The following SPEN variants were observed in gnomAD, a reference collection of about 807,000 sequenced individuals.
SPEN encodes the protein spen family transcriptional repressor, also known as msx2-interacting protein.
In SPEN, 18 loss-of-function variants were observed where a neutral mutation model predicts 269.9. The observed-to-expected ratio is 0.07, with a 90% CI of 0.05 to 0.10. SPEN has a LOEUF of 0.10. Among genes scored for constraint, SPEN ranks in the 10% least tolerant of loss-of-function variants. The pLI is 1.00. For synonymous variants in SPEN, 1,726 were observed against 1,765.7 expected (o/e 0.98, Z 0.56); for missense variants, 3,822 against 4,631.2 (o/e 0.83, Z 5.07).
intron 3 of SPEN, among the ~76,000 whole-genome samples, chr1:15,908,154 C>T (rs890757797): frequency 1.3e-5 from 2 of 151,728 alleles, no homozygotes; most frequent in Non-Finnish European, 2.9e-5. Context: ...CTAAAAATTA[C>T]CCATGAGGTA....
chr1:15,893,328 G>A (rs1279533990), intron 3 of SPEN, among the ~76,000 whole-genome samples: 3 of 152,062 alleles, frequency 2.0e-5, no homozygotes, highest in Non-Finnish European at 4.4e-5. Flanking sequence ...TGTTATTTTC[G>A]ATGGTGGTAG....
At position 15,939,720 on chromosome 1, in the gene SPEN, C is replaced by T. The variant is rs1056526886; in HGVS notation, c.*293C>T. On this transcript the variant is annotated 3_prime_UTR_variant, in exon 15 of 15. Coordinates refer to ENST00000375759, the MANE Select transcript of SPEN (RefSeq NM_015001.3). The surrounding 1 kb of genome is among the most constrained non-coding windows in gnomAD (Gnocchi z 4.1). ...CTCTTTTTGGAGAAAAGGAACAGGG[C>T]AGTGGAATGAAAATTTTTTGTTTGT... The T allele has an allele frequency of 8.6e-5, 26 of 303,702 alleles. No homozygotes were observed. In the Admixed American group the frequency reaches 1.2e-3, roughly 14 times the overall value. 18.8% of individuals were successfully genotyped at this position (303,702 alleles called of 1,614,324 possible). A position where few individuals can be genotyped will look rare whatever the true frequency, so the allele number is the denominator to read the frequency against.
chr1:15,930,551 T>G lies in SPEN; in HGVS notation c.4311T>G (p.Asp1437Glu), dbSNP rs1242665191. Residue 1437 changes from aspartate (D) to glutamate (E), a missense_variant, in exon 11 of 15, where the codon GAT becomes GAG. By Grantham distance (45) the Asp-to-Glu change is conservative. Around this residue, in one of 16 missense-constraint regions of SPEN, gnomAD observed 267 missense variants for 315.5 expected, o/e 0.85. Transcript: ENST00000375759. The surrounding 1 kb of genome is among the most constrained non-coding windows in gnomAD (Gnocchi z 5.3). Reference protein sequence around the residue: ...ERNKFYSFALDKTITPDTKAL... With the variant: ...ERNKFYSFALEKTITPDTKAL... ...ACAAATTTTACTCTTTTGCATTGGA[T>G]AAGACAATCACACCAGACACTAAAG... The G allele has an allele frequency of 2.5e-6, 4 of 1,614,110 alleles. No homozygotes were observed. The highest frequency in any genetic ancestry group is 3.4e-6 in the Non-Finnish European group (4 of 1,179,978).
intron 1 of SPEN, among the ~76,000 whole-genome samples, chr1:15,867,358 C>T (rs2070524765): frequency 6.6e-6 from 1 of 152,058 alleles, no homozygotes. Context: ...GGCATGCCCT[C>T]CCCCCTTTTA....
chr1:15,888,273 T>G (rs962412943), intron 3 of SPEN, among the ~76,000 whole-genome samples: 2 of 151,466 alleles, frequency 1.3e-5, no homozygotes, highest in Admixed American at 6.6e-5. Flanking sequence ...CCATGTCAAA[T>G]TGTATTTGTT....
Position 15,847,784 on chromosome 1 carries a change from G to C in SPEN, c.-284G>C. 5.3e-6 allele frequency: 1 copy of C among 187,614 alleles called. No individual in the cohort carries two copies. The highest frequency in any genetic ancestry group is 1.1e-4 in the East Asian group (1 of 9,440). 11.6% of individuals were successfully genotyped at this position (187,614 alleles called of 1,614,324 possible). A position where few individuals can be genotyped will look rare whatever the true frequency, so the allele number is the denominator to read the frequency against. ...CCGTGTCCCGCTCGCCCCTCCTCCCGCTCCCCCGCCCGCCCCTGCCCGGGC... is the reference window on the plus strand; with the variant it reads ...CCGTGTCCCGCTCGCCCCTCCTCCCCCTCCCCCGCCCGCCCCTGCCCGGGC... On this transcript the variant is annotated 5_prime_UTR_variant, in exon 1 of 15. Transcript: ENST00000375759.
rs1450668315 is a variant in SPEN, at chr1:15,902,534, A to G, written c.882-6787A>G. Among the ~76,000 whole-genome samples the G allele has an allele frequency of 3.9e-5, 6 of 152,306 alleles. No individual in the cohort carries two copies. In the East Asian group the frequency reaches 7.7e-4, roughly 20 times the overall value. On this transcript the variant is annotated intron_variant, in intron 3 of 14. Transcript: ENST00000375759. ...CATTCTGTTTAAGAGATTATGGGCCAGGAATGGTGGCTCACGCCTATAATC... is the reference window on the plus strand; with the variant it reads ...CATTCTGTTTAAGAGATTATGGGCCGGGAATGGTGGCTCACGCCTATAATC...
In SPEN at chr1:15,848,292, C is replaced by T; in HGVS notation, c.83+142C>T. On this transcript the variant is annotated intron_variant, in intron 1 of 14. Coordinates refer to ENST00000375759, the MANE Select transcript of SPEN (RefSeq NM_015001.3). The surrounding 1 kb of genome is among the most constrained non-coding windows in gnomAD (Gnocchi z 5.1). ...ACGGGCGCTGTGGGACCTCGTCAGC[C>T]GCTCGGCCCGCGTCGCGGCGTTGGG... 2.3e-6 allele frequency: 1 copy of T among 440,382 alleles called. No homozygotes were observed. The highest frequency in any genetic ancestry group is 3.7e-6 in the Non-Finnish European group (1 of 268,516). 27.3% of individuals were successfully genotyped at this position (440,382 alleles called of 1,614,324 possible).
chr1:15,913,861 G>C (rs2071033344), intron 5 of SPEN, among the ~76,000 whole-genome samples: 1 of 151,956 alleles, frequency 6.6e-6, no homozygotes, highest in Non-Finnish European at 1.5e-5. Flanking sequence ...TGTCTCCAAG[G>C]GGGAGAAAAA....
intron 3 of SPEN, among the ~76,000 whole-genome samples, chr1:15,887,591 G>A (rs897367097): frequency 6.6e-6 from 1 of 151,538 alleles, no homozygotes; most frequent in Non-Finnish European, 1.5e-5. Context: ...CACTGTGCCT[G>A]GCCGAAAAAA....
At position 15,876,391 on chromosome 1, in the gene SPEN, C is replaced by A. The variant is rs774864778; in HGVS notation, c.594C>A (p.Asp198Glu). 16 of 1,613,960 alleles carry A rather than the reference C, an allele frequency of 9.9e-6. No homozygotes were observed. The highest frequency in any genetic ancestry group is 2.2e-5 in the East Asian group (1 of 44,892). Residue 198 changes from aspartate (D) to glutamate (E), a missense_variant, in exon 3 of 15, where the codon GAC becomes GAA. By Grantham distance (45) the Asp-to-Glu change is conservative. Coordinates refer to ENST00000375759, the MANE Select transcript of SPEN (RefSeq NM_015001.3). ...GTCCAAATCGCTTTGATGCTCATGACCCCCGATATGAACCTAGGGCTCGCG... is the reference window on the plus strand; with the variant it reads ...GTCCAAATCGCTTTGATGCTCATGAACCCCGATATGAACCTAGGGCTCGCG... ...SRSPNRFDAH[D>E]PRYEPRAREQ...
intron 1 of SPEN, among the ~76,000 whole-genome samples, chr1:15,855,862 C>T (rs563551755): frequency 2.9e-5 from 4 of 139,988 alleles, no homozygotes; most frequent in South Asian, 4.5e-4. Context: ...GACTCTGTCT[C>T]GAGAAAAAAA....
At chr1:15,938,574 T>TC (rs1336430969) in intron 13 of SPEN, 144 bp from the exon 14 acceptor site, 31 of 420,626 alleles carry the variant, frequency 7.4e-5, no homozygotes, top group African/African-American at 6.5e-4. Flanking sequence ...GCTTTTTTTT[T>TC]TTTTTTTTTT....
chr1:15,852,713 A>G (rs2062593), intron 1 of SPEN, among the ~76,000 whole-genome samples: 151,656 of 152,284 alleles, frequency 1, 75,524 homozygotes, highest in Middle Eastern at 1. Context: ...TAAATCCTGT[A>G]AACACTAATC....
At chr1:15,904,306 T>G (rs1411764476) in intron 3 of SPEN, among the ~76,000 whole-genome samples, 1 of 151,936 alleles carries the variant, frequency 6.6e-6, no homozygotes, top group Non-Finnish European at 1.5e-5. Flanking sequence ...GGTGAAACCC[T>G]GTCTCTACTA....
chr1:15,924,021 C>G (rs2071143643), intron 10 of SPEN, among the ~76,000 whole-genome samples: 1 of 152,140 alleles, frequency 6.6e-6, no homozygotes, highest in South Asian at 2.1e-4. Context: ...CTCAAAAGCT[C>G]AAACTTGTCA....
At chr1:15,896,115 G>T (rs1237405572) in intron 3 of SPEN, among the ~76,000 whole-genome samples, 2 of 146,632 alleles carry the variant, frequency 1.4e-5, no homozygotes, top group African/African-American at 2.5e-5. Context: ...TCTCATTTAT[G>T]TAAACTATTG....
intron 3 of SPEN, among the ~76,000 whole-genome samples, chr1:15,894,254 T>C (rs1409624582): frequency 2.0e-5 from 3 of 152,200 alleles, no homozygotes; most frequent in Non-Finnish European, 4.4e-5. Flanking sequence ...AATTTTCTCA[T>C]CTTTTTTGTC....
At chr1:15,866,409 A>G (rs928094875) in intron 1 of SPEN, among the ~76,000 whole-genome samples, 3 of 152,138 alleles carry the variant, frequency 2.0e-5, no homozygotes, top group African/African-American at 2.4e-5. Flanking sequence ...GCTGGAGTGC[A>G]GTGGTGCGAT....
Sources: allele counts gnomAD v4.1 joint callset (sites outside exome capture counted in the v4.1 genomes callset), GRCh38; gene constraint gnomAD v4.1.1; regional missense constraint gnomAD v4.1.1; non-coding constraint Gnocchi (gnomAD v3.1); transcripts MANE v1.5; gene names NCBI Gene and HGNC (gene_info 2026-07-23, HGNC 2026-07-21).